Variants in POMGNT2 observed in about 807,000 individuals in gnomAD.
POMGNT2 encodes protein O-linked mannose N-acetylglucosaminyltransferase 2 (beta 1,4-).
Under a neutral mutation model 37.8 loss-of-function variants are expected in POMGNT2, and 32 were observed. That is an observed-to-expected ratio of 0.85 (90% CI 0.64 to 1.14). The LOEUF is 1.14. Among genes scored for constraint, POMGNT2 ranks in the 50% most tolerant of loss-of-function variants. POMGNT2 has a pLI of 0.00. For synonymous variants in POMGNT2, 340 were observed against 336.8 expected (o/e 1.01, Z -0.10); for missense variants, 705 against 780.6 (o/e 0.90, Z 1.15).
chr3:43,088,888 T>A (rs976786890), intron 1 of POMGNT2, among the ~76,000 whole-genome samples: 2 of 152,162 alleles, frequency 1.3e-5, no homozygotes, highest in African/African-American at 4.8e-5. Flanking sequence ...TGGGTTGGGA[T>A]TTTGGCTTCC....
intron 1 of POMGNT2, among the ~76,000 whole-genome samples, chr3:43,094,487 CA>C (rs1235622039): frequency 9.8e-5 from 15 of 152,308 alleles, no homozygotes; most frequent in African/African-American, 3.1e-4. Flanking sequence ...AGAACAGCAG[CA>C]AGGAGGCAAG....
At chr3:43,103,101 G>A (rs983240681) in intron 1 of POMGNT2, among the ~76,000 whole-genome samples, 1 of 152,162 alleles carries the variant, frequency 6.6e-6, no homozygotes, top group Non-Finnish European at 1.5e-5. Flanking sequence ...TGTGCTGAGA[G>A]GGTTAGGCCA....
At chr3:43,087,792 C>T (rs1026391789) in intron 1 of POMGNT2, 1 of 152,252 alleles carries the variant, frequency 6.6e-6, no homozygotes, top group African/African-American at 2.4e-5. Context: ...TCTCAGTTTC[C>T]AATGCATTAC....
At chr3:43,097,435 C>G (rs1157679139) in intron 1 of POMGNT2, among the ~76,000 whole-genome samples, 1 of 151,806 alleles carries the variant, frequency 6.6e-6, no homozygotes, top group East Asian at 1.9e-4. Context: ...GGTGAGGCTT[C>G]TCTTCCTGGC....
chr3:43,086,525 G>T (rs1406200656), intron 1 of POMGNT2, among the ~76,000 whole-genome samples: 3 of 152,210 alleles, frequency 2.0e-5, no homozygotes, highest in African/African-American at 7.2e-5. Flanking sequence ...ATGCCCATAG[G>T]AGTATGCCAT....
At chr3:43,090,422 C>T (rs2089933820) in intron 1 of POMGNT2, 1 of 152,238 alleles carries the variant, frequency 6.6e-6, no homozygotes, top group Non-Finnish European at 1.5e-5. Context: ...TGCTGAACTA[C>T]ATTAAAGTGC....
rs117438207 is a variant in POMGNT2, at chr3:43,091,842, G to A, written c.-105-10306C>T. On this transcript the variant is annotated intron_variant, in intron 1 of 1. Coordinates refer to ENST00000344697, the MANE Select transcript of POMGNT2 (RefSeq NM_032806.6). ...AATCTACATTTCTAAATGGGGATTCGTGATTCTCGCTCCAGTTCTAGCTCT... is the reference window on the plus strand; with the variant it reads ...AATCTACATTTCTAAATGGGGATTCATGATTCTCGCTCCAGTTCTAGCTCT... Among the ~76,000 whole-genome samples, 33 of 152,310 alleles carry A rather than the reference G, an allele frequency of 2.2e-4. 1 individual carries two copies. The East Asian group carries it at 3.5e-3, about 16-fold the overall frequency.
At chr3:43,088,645 G>C (rs1466732730) in intron 1 of POMGNT2, among the ~76,000 whole-genome samples, 1 of 152,210 alleles carries the variant, frequency 6.6e-6, no homozygotes, top group Non-Finnish European at 1.5e-5. Context: ...GACCAATTCA[G>C]CTGAGGAATG....
intron 1 of POMGNT2, among the ~76,000 whole-genome samples, chr3:43,101,206 T>A (rs771288004): frequency 3.5e-4 from 53 of 152,366 alleles, no homozygotes; most frequent in Non-Finnish European, 5.6e-4. Context: ...ATTCCCATTC[T>A]GTCCTGCCCA....
chr3:43,081,090 T>C lies in POMGNT2; in HGVS notation c.342A>G (p.Pro114=), dbSNP rs1401054879. Residue 114 remains proline, a synonymous_variant, in exon 2 of 2, where the codon CCA becomes CCG. Transcript: ENST00000344697. ...LPNLGSRRFQ[P]ALLDLSTVED... is the part of the protein sequence containing the mutation. ...CCACGGTGGATAGGTCGAGCAGGGC[T>C]GGCTGGAAGCGCCGGGAGCCCAGGT... 1.3e-5 allele frequency: 21 copies of C among 1,614,078 alleles called. No individual in the cohort carries two copies. Among genetic ancestry groups the C allele is most frequent in the Non-Finnish European group, 1.8e-5 (21 of 1,180,036 alleles).
chr3:43,083,348 C>T (rs906829958), intron 1 of POMGNT2, among the ~76,000 whole-genome samples: 1 of 152,232 alleles, frequency 6.6e-6, no homozygotes, highest in Admixed American at 6.5e-5. Context: ...CAGATGTTCT[C>T]AAGCCTGGCT....
chr3:43,082,084 C>T (rs1239575585), intron 1 of POMGNT2, among the ~76,000 whole-genome samples: 1 of 152,206 alleles, frequency 6.6e-6, no homozygotes, highest in African/African-American at 2.4e-5. Context: ...TTAAACATCC[C>T]TGAAATTCTG....
At chr3:43,085,691 C>G (rs770565665) in intron 1 of POMGNT2, among the ~76,000 whole-genome samples, 1 of 151,956 alleles carries the variant, frequency 6.6e-6, no homozygotes, top group Non-Finnish European at 1.5e-5. Context: ...ATCCATCTGG[C>G]CTTTACTAAA....
chr3:43,088,798 C>T (rs6785292), intron 1 of POMGNT2, among the ~76,000 whole-genome samples: 1,629 of 152,334 alleles, frequency 0.011, 24 homozygotes, highest in African/African-American at 0.037. Context: ...GAGATACAGA[C>T]GACCCTGGTG....
chr3:43,104,301 C>T (rs559909623), intron 1 of POMGNT2, among the ~76,000 whole-genome samples: 4 of 152,196 alleles, frequency 2.6e-5, no homozygotes, highest in Non-Finnish European at 5.9e-5. Context: ...ATCCCACTGA[C>T]AACCAAGCTG....
intron 1 of POMGNT2, among the ~76,000 whole-genome samples, chr3:43,083,352 C>T (rs1003718026): frequency 6.6e-6 from 1 of 152,206 alleles, no homozygotes; most frequent in Non-Finnish European, 1.5e-5. Context: ...TGTTCTCAAG[C>T]CTGGCTGATT....
intron 1 of POMGNT2, chr3:43,087,442 C>G (rs1302807691): frequency 6.6e-6 from 1 of 152,212 alleles, no homozygotes; most frequent in African/African-American, 2.4e-5. Context: ...CTAGAACACA[C>G]CTGCTGCAGC....
chr3:43,079,929 G>A lies in POMGNT2; in HGVS notation c.1503C>T (p.Arg501=). The change falls in exon 2 of 2, where the codon CGC becomes CGT. Residue 501 remains arginine (R), a synonymous_variant. Coordinates refer to ENST00000344697, the MANE Select transcript of POMGNT2 (RefSeq NM_032806.6). ...QASVHGASEA[R]LTVSWQIPWN... ...ATGGGATCTGCCAGGAGACAGTGAG[G>A]CGGGCCTCGGAGGCGCCATGCACTG... The A allele has an allele frequency of 6.2e-7, 1 of 1,614,034 alleles. No individual in the cohort carries two copies. The highest frequency in any genetic ancestry group is 2.2e-5 in the East Asian group (1 of 44,870).
chr3:43,081,788 T>C (rs2089858678), intron 1 of POMGNT2, among the ~76,000 whole-genome samples: 1 of 152,260 alleles, frequency 6.6e-6, no homozygotes, highest in African/African-American at 2.4e-5. Context: ...TTTAACTTGC[T>C]TTGGCCAGTG....
Sources: allele counts gnomAD v4.1 joint callset (sites outside exome capture counted in the v4.1 genomes callset), GRCh38; gene constraint gnomAD v4.1.1; transcripts MANE v1.5; gene names NCBI Gene and HGNC (gene_info 2026-07-23, HGNC 2026-07-21).